The following WDR88 variants were observed in gnomAD, a reference collection of about 807,000 sequenced individuals.
The protein encoded by WDR88 is WD repeat domain 88, also known as WD repeat-containing protein 88.
Under a neutral mutation model 46.8 loss-of-function variants are expected in WDR88, and 40 were observed. That is an observed-to-expected ratio of 0.86 (90% CI 0.66 to 1.11). The LOEUF is 1.11. Ranked by LOEUF, WDR88 falls within the 50% of genes most tolerant of loss-of-function variation. The pLI, the probability that WDR88 is intolerant of heterozygous loss-of-function variation, is 0.00. For missense variants in WDR88, 562 were observed against 602.4 expected (o/e 0.93, Z 0.70); for synonymous variants, 235 against 240.7 (o/e 0.98, Z 0.22).
At chr19:33,142,851 CAAAAAAAAAAAAAAAAAAA>C (rs74174644) in intron 2 of WDR88, 1 of 19,532 alleles carries the variant, frequency 5.1e-5, no homozygotes. Flanking sequence ...ACTAAAAATA[CAAAAAAAAAAAAAAAAAAA>C]AAAAAAAAAA....
At chr19:33,144,148 C>T (rs1973460939) in intron 2 of WDR88, among the ~76,000 whole-genome samples, 1 of 152,166 alleles carries the variant, frequency 6.6e-6, no homozygotes, top group Admixed American at 6.6e-5. Flanking sequence ...CTCAGTTGGC[C>T]CCGGCCCGCC....
At chr19:33,174,364 G>A in intron 10 of WDR88, 8 of 1,437,638 alleles carry the variant, frequency 5.6e-6, no homozygotes, top group Non-Finnish European at 7.3e-6. Context: ...AAGCCCAGGG[G>A]CTGGGAGAGC....
intron 9 of WDR88, among the ~76,000 whole-genome samples, chr19:33,168,438 A>G (rs953960141): frequency 6.6e-6 from 1 of 152,238 alleles, no homozygotes; most frequent in Non-Finnish European, 1.5e-5. Context: ...TCAGGGTACA[A>G]AATCAACACA....
chr19:33,134,567 G>A (rs554015150), intron 1 of WDR88, among the ~76,000 whole-genome samples: 1 of 152,190 alleles, frequency 6.6e-6, no homozygotes, highest in South Asian at 2.1e-4. Context: ...AGGGGCGGCA[G>A]GGGCTGGGGT....
chr19:33,134,850 C>CA (rs1156584309), intron 1 of WDR88, among the ~76,000 whole-genome samples: 1 of 139,686 alleles, frequency 7.2e-6, no homozygotes, highest in Non-Finnish European at 1.6e-5. Flanking sequence ...ACCCCCCCCC[C>CA]CGCCCCGCAT....
chr19:33,147,971 A>C (rs1973554359), intron 4 of WDR88, among the ~76,000 whole-genome samples: 1 of 151,958 alleles, frequency 6.6e-6, no homozygotes, highest in African/African-American at 2.4e-5. Flanking sequence ...CTTCTGCTTG[A>C]AAGATGGGAT....
Position 33,173,065 on chromosome 19 carries a change from C to T in WDR88, c.1242+625C>T, listed in dbSNP as rs556411862. Among the ~76,000 whole-genome samples the T allele has an allele frequency of 3.3e-4, 45 of 136,482 alleles. 1 individual carries two copies. In the South Asian group the frequency reaches 0.01, roughly 31 times the overall value. 89.5% of individuals were successfully genotyped at this position (136,482 alleles called of 152,430 possible). On this transcript the variant is annotated intron_variant, in intron 10 of 10. Transcript: ENST00000355868. Reference sequence around the variant, plus strand: ...TGAGATTGCGCCACTGCACTCTAGCCTGGGTGACAGAGCGAGACTCTGTCT... The same window carrying T: ...TGAGATTGCGCCACTGCACTCTAGCTTGGGTGACAGAGCGAGACTCTGTCT...
chr19:33,140,241 A>AC (rs1255673675), intron 2 of WDR88, among the ~76,000 whole-genome samples: 2 of 152,004 alleles, frequency 1.3e-5, no homozygotes, highest in Non-Finnish European at 2.9e-5. Flanking sequence ...TGCAGCCTCA[A>AC]CCTCCTGGAC....
chr19:33,172,092 C>T (rs1213445886), intron 9 of WDR88, among the ~76,000 whole-genome samples: 2 of 152,168 alleles, frequency 1.3e-5, no homozygotes, highest in African/African-American at 2.4e-5. Context: ...ATTCATCCCT[C>T]CTCCTCTTCC....
chr19:33,171,012 G>A (rs910493822), intron 9 of WDR88, among the ~76,000 whole-genome samples: 7 of 152,106 alleles, frequency 4.6e-5, no homozygotes, highest in Non-Finnish European at 8.8e-5. Flanking sequence ...TTGAGACAGA[G>A]TCTCGCTCTG....
intron 7 of WDR88, among the ~76,000 whole-genome samples, chr19:33,158,760 C>A (rs968109778): frequency 6.6e-6 from 1 of 152,156 alleles, no homozygotes; most frequent in South Asian, 2.1e-4. Context: ...AGCGCAGTTG[C>A]GCGATCTTGG....
In WDR88 at chr19:33,144,832, C is replaced by G. The variant is rs377498566; in HGVS notation, c.388-12C>G. The G allele has an allele frequency of 6.2e-7, 1 of 1,612,362 alleles. No homozygotes were observed. The highest frequency in any genetic ancestry group is 8.5e-7 in the Non-Finnish European group (1 of 1,179,110). On this transcript the variant is annotated splice_polypyrimidine_tract_variant and intron_variant, in intron 2 of 10. Transcript: ENST00000355868. ...GACCACTCTCTTCTCCTCTCTCTCC[C>G]GTTGATTTGAGGATCCGGTGGACGG... is the stretch of plus-strand genomic sequence containing the variant.
chr19:33,148,173 T>C (rs12986226), intron 4 of WDR88, among the ~76,000 whole-genome samples: 25,477 of 150,298 alleles, frequency 0.17, 2,569 homozygotes, highest in African/African-American at 0.28. Flanking sequence ...TTGGAGGGGG[T>C]CACTCTCCGT....
chr19:33,140,214 G>A (rs1009776248), intron 2 of WDR88, among the ~76,000 whole-genome samples: 6 of 152,168 alleles, frequency 3.9e-5, no homozygotes, highest in African/African-American at 1.4e-4. Context: ...GAGTGCAGTG[G>A]TGCAATTACG....
At chr19:33,152,867 T>G (rs1224710781) in intron 6 of WDR88, among the ~76,000 whole-genome samples, 1 of 152,134 alleles carries the variant, frequency 6.6e-6, no homozygotes, top group Non-Finnish European at 1.5e-5. Context: ...CCCACAGTGC[T>G]GGGATTAAGA....
At position 33,132,219 on chromosome 19, in the gene WDR88, A is replaced by C; in HGVS notation, c.50A>C (p.Lys17Thr). 1 of 1,609,372 alleles carries C rather than the reference A, an allele frequency of 6.2e-7. No homozygotes were observed. The highest frequency in any genetic ancestry group is 8.5e-7 in the Non-Finnish European group (1 of 1,179,654). The change falls in exon 1 of 11, where the codon AAG (lysine) becomes ACG (threonine). Residue 17 changes from lysine to threonine, a missense_variant. Lys to Thr is a moderately conservative substitution (Grantham distance 78, BLOSUM62 -1). Transcript: ENST00000355868. ...CCGACAGCCCATGACAGGGAATGCA[A>C]GTTGCCGCCACCCTCCGCCCCCGCC... Reference protein sequence around the residue: ...CSPTAHDRECKLPPPSAPASE... With the variant: ...CSPTAHDRECTLPPPSAPASE...
rs1276567324 is a variant in WDR88 at position 33,151,597 on chromosome 19, C to T, written c.809+287C>T. Reference sequence around the variant, plus strand: ...AGCATCTCCTGTAAAATGGGAAGGTCTGGCTGGGCGTGTGGCTCATGGCTA... The same window carrying T: ...AGCATCTCCTGTAAAATGGGAAGGTTTGGCTGGGCGTGTGGCTCATGGCTA... On this transcript the variant is annotated intron_variant, in intron 6 of 10. Coordinates refer to ENST00000355868, the MANE Select transcript of WDR88 (RefSeq NM_173479.4). Among the ~76,000 whole-genome samples the T allele has an allele frequency of 1.3e-5, 2 of 152,172 alleles. 1 individual carries two copies.
rs1973138884 is a variant in WDR88 at position 33,132,196 on chromosome 19, G to GCGGT, written c.27_28insCGGT (p.Thr10ArgfsTer5). 1.9e-6 allele frequency: 3 copies of GCGGT among 1,603,168 alleles called. No individual in the cohort carries two copies. The highest frequency in any genetic ancestry group is 2.5e-6 in the Non-Finnish European group (3 of 1,177,266). ...TGGCCTCCCCGCCGCGGTGCTCCCC[G>GCGGT]ACAGCCCATGACAGGGAATGCAAGT... On this transcript the variant is annotated frameshift_variant, in exon 1 of 11. Transcript: ENST00000355868. LOFTEE classifies it high-confidence loss of function.
intron 9 of WDR88, among the ~76,000 whole-genome samples, chr19:33,171,603 A>G (rs1163793564): frequency 6.6e-6 from 1 of 152,232 alleles, no homozygotes; most frequent in East Asian, 1.9e-4. Flanking sequence ...ACTGTAAGAT[A>G]GAAGTCTGAT....
Sources: allele counts gnomAD v4.1 joint callset (sites outside exome capture counted in the v4.1 genomes callset), GRCh38; gene constraint gnomAD v4.1.1; transcripts MANE v1.5; gene names NCBI Gene and HGNC (gene_info 2026-07-23, HGNC 2026-07-21).